Variants in FGGY observed in about 807,000 individuals in gnomAD.
FGGY encodes FGGY carbohydrate kinase domain containing, also known as FGGY carbohydrate kinase domain-containing protein.
A neutral mutation model predicts 71.3 loss-of-function variants in FGGY; 72 were observed. The observed-to-expected ratio is 1.01, with a 90% CI of 0.84 to 1.23. The LOEUF is 1.23. Among genes scored for constraint, FGGY ranks in the 50% most tolerant of loss-of-function variants. The pLI is 0.00. For synonymous variants in FGGY, 251 were observed against 250.3 expected (o/e 1.00, Z -0.02); for missense variants, 668 against 682.3 (o/e 0.98, Z 0.23).
intron 6 of FGGY, among the ~76,000 whole-genome samples, chr1:59,477,186 C>T (rs1430793186): frequency 6.6e-6 from 1 of 152,174 alleles, no homozygotes; most frequent in East Asian, 1.9e-4. Context: ...CACATCGCAG[C>T]TCTTCTGCTT....
intron 2 of FGGY, among the ~76,000 whole-genome samples, chr1:59,334,622 A>G (rs1411404966): frequency 6.6e-6 from 1 of 152,212 alleles, no homozygotes; most frequent in Non-Finnish European, 1.5e-5. Flanking sequence ...TCTCATAATT[A>G]TGTGAAGCTC....
chr1:59,377,561 A>G (rs1242697087), intron 4 of FGGY, among the ~76,000 whole-genome samples: 4 of 152,200 alleles, frequency 2.6e-5, no homozygotes, highest in Non-Finnish European at 5.9e-5. Flanking sequence ...CTTGGGGATT[A>G]TGGGAACTAC....
At chr1:59,510,602 A>G (rs536658141) in intron 6 of FGGY, among the ~76,000 whole-genome samples, 1 of 152,348 alleles carries the variant, frequency 6.6e-6, no homozygotes, top group African/African-American at 2.4e-5. Context: ...ATAGAAATAT[A>G]ATATGAGCCA....
chr1:59,557,986 T>C (rs1279484396), intron 8 of FGGY, among the ~76,000 whole-genome samples: 1 of 152,178 alleles, frequency 6.6e-6, no homozygotes, highest in East Asian at 1.9e-4. Flanking sequence ...ATTGAGATAG[T>C]GGTTCTCTAT....
At chr1:59,616,303 C>T (rs2096753254) in intron 9 of FGGY, among the ~76,000 whole-genome samples, 1 of 152,070 alleles carries the variant, frequency 6.6e-6, no homozygotes, top group South Asian at 2.1e-4. Context: ...TACTATGCAG[C>T]CATAAAAATG....
At chr1:59,419,494 C>T (rs925322920) in intron 5 of FGGY, among the ~76,000 whole-genome samples, 2 of 152,122 alleles carry the variant, frequency 1.3e-5, no homozygotes, top group East Asian at 1.9e-4. Flanking sequence ...CTTTTTATAT[C>T]CCAGGGGAAT....
At chr1:59,443,771 G>C (rs1418841788) in intron 5 of FGGY, among the ~76,000 whole-genome samples, 1 of 152,206 alleles carries the variant, frequency 6.6e-6, no homozygotes, top group Non-Finnish European at 1.5e-5. Context: ...ACTGAGATAG[G>C]TATGTATGTT....
chr1:59,377,557 G>A (rs1289799044), intron 4 of FGGY, among the ~76,000 whole-genome samples: 1 of 152,152 alleles, frequency 6.6e-6, no homozygotes, highest in Non-Finnish European at 1.5e-5. Flanking sequence ...GACACTTGGG[G>A]ATTATGGGAA....
intron 5 of FGGY, among the ~76,000 whole-genome samples, chr1:59,434,295 G>T (rs2067973049): frequency 6.6e-6 from 1 of 152,208 alleles, no homozygotes; most frequent in Non-Finnish European, 1.5e-5. Context: ...AAAAAAATTG[G>T]GAAGTCAGAT....
chr1:59,324,303 G>T, intron 2 of FGGY, among the ~76,000 whole-genome samples: 1 of 110,914 alleles, frequency 9.0e-6, no homozygotes, highest in African/African-American at 3.5e-5. Context: ...TTGAGACGGA[G>T]TCTCGCTCTG....
intron 12 of FGGY, among the ~76,000 whole-genome samples, chr1:59,666,212 A>G (rs2097324386): frequency 6.6e-6 from 1 of 150,388 alleles, no homozygotes; most frequent in Non-Finnish European, 1.5e-5. Context: ...CTTTTTAGCA[A>G]TTCACTCCCA....
chr1:59,311,659 T>G (rs558594470), intron 1 of FGGY, among the ~76,000 whole-genome samples: 1 of 152,342 alleles, frequency 6.6e-6, no homozygotes, highest in African/African-American at 2.4e-5. Flanking sequence ...GTATTTGGGT[T>G]GGTTCTATGA....
At chr1:59,512,703 CTTTT>C (rs1439899701) in intron 7 of FGGY, among the ~76,000 whole-genome samples, 1 of 152,124 alleles carries the variant, frequency 6.6e-6, no homozygotes, top group Non-Finnish European at 1.5e-5. Context: ...CTGCATAGTT[CTTTT>C]GTTTACTGAA....
At chr1:59,360,130 A>ATTATTATTATTATTATTG (rs2055177990) in intron 4 of FGGY, among the ~76,000 whole-genome samples, 1 of 135,938 alleles carries the variant, frequency 7.4e-6, no homozygotes, top group Non-Finnish European at 1.5e-5. Context: ...TATCATTGTT[A>ATTATTATTATTATTATTG]TTATTATTAT....
intron 5 of FGGY, among the ~76,000 whole-genome samples, chr1:59,396,858 G>A (rs936881089): frequency 2.6e-5 from 4 of 152,162 alleles, no homozygotes; most frequent in African/African-American, 9.6e-5. Context: ...GTAAGAGATA[G>A]AGTTAGTCAC....
intron 1 of FGGY, among the ~76,000 whole-genome samples, chr1:59,317,470 A>C (rs1047739696): frequency 6.6e-6 from 1 of 152,216 alleles, no homozygotes; most frequent in Non-Finnish European, 1.5e-5. Context: ...TTTACTTTAC[A>C]AACTAGAAAA....
chr1:59,614,724 T>G (rs1253540595), intron 9 of FGGY, among the ~76,000 whole-genome samples: 1 of 152,294 alleles, frequency 6.6e-6, no homozygotes, highest in Admixed American at 6.5e-5. Context: ...TGTTTGTAGA[T>G]GACATGATTG....
At chr1:59,300,250 G>A (rs1309986326) in intron 1 of FGGY, among the ~76,000 whole-genome samples, 5 of 152,314 alleles carry the variant, frequency 3.3e-5, no homozygotes, top group East Asian at 1.9e-4. Flanking sequence ...TAACCCCAAA[G>A]ATTGCTTGTG....
intron 14 of FGGY, among the ~76,000 whole-genome samples, chr1:59,731,842 T>C (rs2098034680): frequency 6.6e-6 from 1 of 152,144 alleles, no homozygotes; most frequent in Non-Finnish European, 1.5e-5. Context: ...TCTGATCCCC[T>C]GCTCCGAATC....
Sources: gnomAD v4.1 joint callset for allele counts (sites outside exome capture counted in the v4.1 genomes callset) on GRCh38, gnomAD v4.1.1 for gene constraint, MANE v1.5 for transcripts, NCBI Gene and HGNC (gene_info 2026-07-23, HGNC 2026-07-21) for gene names.